The following DUSP1 variants were observed in gnomAD, a reference collection of about 807,000 sequenced individuals.
DUSP1 encodes the protein dual specificity phosphatase 1.
Under a neutral mutation model 27.4 loss-of-function variants are expected in DUSP1, and 10 were observed. The observed-to-expected ratio is 0.37, with a 90% CI of 0.23 to 0.62. The LOEUF is 0.62. Among genes scored for constraint, DUSP1 ranks in the 20% least tolerant of loss-of-function variants. The pLI is 0.68. For synonymous variants in DUSP1, 262 were observed against 223.6 expected (o/e 1.17, Z -1.53); for missense variants, 425 against 508.1 (o/e 0.84, Z 1.57).
intron 3 of DUSP1, 27 bp from the exon 4 acceptor site, chr5:172,769,159 A>G: frequency 6.3e-7 from 1 of 1,583,022 alleles, no homozygotes; most frequent in South Asian, 1.1e-5. Context: ...GCGGCTGGTT[A>G]CTTGAGAGTT....
Position 172,768,958 on chromosome 5 carries a change from C to A in DUSP1, c.908G>T (p.Gly303Val), listed in dbSNP as rs1249041563. Residue 303 changes from glycine (G) to valine (V), a missense_variant, in exon 4 of 4, where the codon GGC becomes GTC. Gly to Val is a moderately radical substitution (Grantham distance 109). This residue lies in a region of DUSP1 where 59 missense variants were observed against 108.4 expected (regional missense o/e 0.54). Transcript: ENST00000239223. ...SIISPNFSFM[G>V]QLLQFESQVL... ...CTGGGACTCAAACTGCAGCAGCTGG[C>A]CCATGAAGCTGAAGTTGGGAGAGAT... 1 of 1,614,192 alleles carries A rather than the reference C, an allele frequency of 6.2e-7. No homozygotes were observed. Among genetic ancestry groups the A allele is most frequent in the Non-Finnish European group, 8.5e-7 (1 of 1,180,032 alleles).
chr5:172,769,922 G>C, intron 2 of DUSP1, 128 bp from the exon 3 acceptor site: 2 of 1,253,374 alleles, frequency 1.6e-6, no homozygotes, highest in South Asian at 2.9e-5. Context: ...TGTTGCTGGA[G>C]GATAAATAAA....
At position 172,769,910 on chromosome 5, in the gene DUSP1, T is replaced by A. The variant is rs34211628; in HGVS notation, c.514-116A>T. 1.3e-3 allele frequency: 1,643 copies of A among 1,293,870 alleles called. 22 individuals carry two copies. The African/African-American group carries it at 0.019, about 15-fold the overall frequency. 80.1% of individuals were successfully genotyped at this position (1,293,870 alleles called of 1,614,324 possible). On this transcript the variant is annotated intron_variant, in intron 2 of 3. Coordinates refer to ENST00000239223, the MANE Select transcript of DUSP1 (RefSeq NM_004417.4). ...ATTTCAGATACCGAGTGAACTCAGT[T>A]CTGTTGCTGGAGGATAAATAAATAG... is the stretch of plus-strand genomic sequence containing the variant.
In DUSP1 at chr5:172,768,833, T is replaced by A. The variant is rs781276559; in HGVS notation, c.1033A>T (p.Ile345Phe). ...TTTVFNFPVS[I>F]PVHSTNSALS... ...GCACTGTTCGTGGAGTGGACAGGGATGGAGACGGGGAAGTTGAACACGGTG... is the reference window on the plus strand; with the variant it reads ...GCACTGTTCGTGGAGTGGACAGGGAAGGAGACGGGGAAGTTGAACACGGTG... Residue 345 changes from isoleucine (I) to phenylalanine (F), a missense_variant, in exon 4 of 4, where the codon ATC becomes TTC. Around this residue, in one of 3 missense-constraint regions of DUSP1, gnomAD observed 84 missense variants for 80.5 expected, o/e 1.04. Coordinates refer to ENST00000239223, the MANE Select transcript of DUSP1 (RefSeq NM_004417.4). The A allele has an allele frequency of 4.4e-6, 7 of 1,592,282 alleles. No homozygotes were observed. The Admixed American group carries it at 1.2e-4, about 27-fold the overall frequency.
At position 172,768,992 on chromosome 5, in the gene DUSP1, G is replaced by A. The variant is rs776389762; in HGVS notation, c.874C>T (p.Arg292Ter). Residue 292 changes from arginine (R) to a stop codon, truncating the protein, a stop_gained, in exon 4 of 4, where the codon CGA becomes TGA. Transcript: ENST00000239223. LOFTEE classifies it high-confidence loss of function. ...CTGAAGTTGGGAGAGATGATGCTTC[G>A]CCTCTGCTTCACAAACTCAAAGGCC... Reference protein sequence around the residue: ...DEAFEFVKQRRSIISPNFSFM... With the variant: ...DEAFEFVKQR 3.7e-6 allele frequency: 6 copies of A among 1,614,084 alleles called. No homozygotes were observed. The Admixed American group carries it at 6.7e-5, about 18-fold the overall frequency.
chr5:172,769,127 T>TG lies in DUSP1; in HGVS notation c.738dup (p.Ile247HisfsTer31). On this transcript the variant is annotated frameshift_variant, in exon 4 of 4. Coordinates refer to ENST00000239223, the MANE Select transcript of DUSP1 (RefSeq NM_004417.4). LOFTEE classifies it high-confidence loss of function. ...AACACCCTTCCTCCAGCATTCTTGA[T>TG]GGAGTCTGGAAAACCAAAGGAGCGG... 1 of 1,605,144 alleles carries TG rather than the reference T, an allele frequency of 6.2e-7. No individual in the cohort carries two copies. The highest frequency in any genetic ancestry group is 8.5e-7 in the Non-Finnish European group (1 of 1,178,072).
chr5:172,769,795 C>T lies in DUSP1; in HGVS notation c.514-1G>A, dbSNP rs745822861. ...AGGGCAGGATTTCCACCGGGCCACCCTGAAATCCAGAAATATCCAACATTC... is the reference window on the plus strand; with the variant it reads ...AGGGCAGGATTTCCACCGGGCCACCTTGAAATCCAGAAATATCCAACATTC... On this transcript the variant is annotated splice_acceptor_variant, in intron 2 of 3. Coordinates refer to ENST00000239223, the MANE Select transcript of DUSP1 (RefSeq NM_004417.4). LOFTEE classifies it high-confidence loss of function. 1 of 1,613,264 alleles carries T rather than the reference C, an allele frequency of 6.2e-7. No homozygotes were observed. The highest frequency in any genetic ancestry group is 8.5e-7 in the Non-Finnish European group (1 of 1,179,724).
rs1759820582 is a variant in DUSP1, at chr5:172,768,205, C to T, written c.*557G>A. 6.7e-6 allele frequency: 1 copy of T among 150,156 alleles called. No homozygotes were observed. The highest frequency in any genetic ancestry group is 6.7e-5 in the Admixed American group (1 of 14,964). The allele number at this position is 150,156 out of a possible 1,614,324, so 9.3% of individuals were successfully genotyped here. A position where few individuals can be genotyped will look rare whatever the true frequency, so the allele number is the denominator to read the frequency against. On this transcript the variant is annotated 3_prime_UTR_variant, in exon 4 of 4. Transcript: ENST00000239223. ...ATTATTTCAGGTCATAAATAATCAG[C>T]AAACATACAACTGTTGGCAACTAAA... is the stretch of plus-strand genomic sequence containing the variant.
chr5:172,770,929 C>G lies in DUSP1; in HGVS notation c.24G>C (p.Leu8=), dbSNP rs752773410. Residue 8 remains leucine, a synonymous_variant, in exon 1 of 4, where the codon CTG becomes CTC. Coordinates refer to ENST00000239223, the MANE Select transcript of DUSP1 (RefSeq NM_004417.4). The stretch of plus-strand genomic sequence containing the variant: ...GCAGCGCCCGCAGGCCTCCAGCGTC[C>G]AGGGTGCCCACTTCCATGACCATGG... MVMEVGT[L]DAGGLRALLG... is the part of the protein sequence containing the mutation. 2.3e-5 allele frequency: 35 copies of G among 1,538,844 alleles called. 1 individual carries two copies. In the South Asian group the frequency reaches 3.9e-4, roughly 17 times the overall value.
rs1381386040 is a variant in DUSP1 at position 172,770,824 on chromosome 5, A to G, written c.129T>C (p.Ser43=). Residue 43 remains serine, a synonymous_variant, in exon 1 of 4, where the codon TCT becomes TCC. Coordinates refer to ENST00000239223, the MANE Select transcript of DUSP1 (RefSeq NM_004417.4). ...CGATGGTGCTGAAGCGCACGTTGAC[A>G]GAGCCGGCGATGTGGCCGGCGTTGA... The part of the protein sequence containing the change: ...FAFNAGHIAG[S]VNVRFSTIVR... 1 of 1,526,286 alleles carries G rather than the reference A, an allele frequency of 6.6e-7. No individual in the cohort carries two copies. The highest frequency in any genetic ancestry group is 8.8e-7 in the Non-Finnish European group (1 of 1,142,122). The allele number at this position is 1,526,286 out of a possible 1,614,324, so 94.5% of individuals were successfully genotyped here.
At position 172,770,786 on chromosome 5, in the gene DUSP1, G is replaced by A; in HGVS notation, c.167C>T (p.Ala56Val). Residue 56 changes from alanine (A) to valine (V), a missense_variant, in exon 1 of 4, where the codon GCC (alanine) becomes GTC (valine). Ala to Val is a moderately conservative substitution (Grantham distance 64, BLOSUM62 0). Transcript: ENST00000239223. ...GTGCTCCAGGCCCATGGCGCCCTTG[G>A]CCCGGCGCCGCACGATGGTGCTGAA... ...VRFSTIVRRR[A>V]KGAMGLEHIV... 1 of 1,504,986 alleles carries A rather than the reference G, an allele frequency of 6.6e-7. No homozygotes were observed. The highest frequency in any genetic ancestry group is 2.7e-5 in the East Asian group (1 of 36,928). 93.2% of individuals were successfully genotyped at this position (1,504,986 alleles called of 1,614,324 possible).
At chr5:172,770,446 C>T in intron 1 of DUSP1, 140 bp from the exon 2 acceptor site, 1 of 1,532,316 alleles carries the variant, frequency 6.5e-7, no homozygotes, top group Non-Finnish European at 8.7e-7. Flanking sequence ...CCAAACAAAG[C>T]CAATGACAAG....
chr5:172,770,342 G>T, intron 1 of DUSP1, 36 bp from the exon 2 acceptor site: 1 of 1,608,974 alleles, frequency 6.2e-7, no homozygotes, highest in Admixed American at 1.7e-5. Flanking sequence ...CCCCATTAGT[G>T]ACACCGGGAC....
chr5:172,769,349 T>C (rs1372784432), intron 3 of DUSP1, among the ~76,000 whole-genome samples: 4 of 152,216 alleles, frequency 2.6e-5, no homozygotes, highest in East Asian at 1.9e-4. Flanking sequence ...ACTTAGCAGA[T>C]AGATCTCAGA....
In DUSP1 at chr5:172,771,019, G is replaced by T; in HGVS notation, c.-67C>A. The T allele has an allele frequency of 1.5e-6, 2 of 1,308,494 alleles. No individual in the cohort carries two copies. Among genetic ancestry groups the T allele is most frequent in the Non-Finnish European group, 1.9e-6 (2 of 1,026,282 alleles). 81.1% of individuals were successfully genotyped at this position (1,308,494 alleles called of 1,614,324 possible). A position where few individuals can be genotyped will look rare whatever the true frequency, so the allele number is the denominator to read the frequency against. The stretch of plus-strand genomic sequence containing the variant: ...TCTTTGTCTGTTCTCGGGGCCAAGG[G>T]CAGGGCGGCGCTTTTCGAGGAAAAG... On this transcript the variant is annotated 5_prime_UTR_variant, in exon 1 of 4. Transcript: ENST00000239223.
chr5:172,769,854 T>C, intron 2 of DUSP1, 60 bp from the exon 3 acceptor site: 1 of 1,548,260 alleles, frequency 6.5e-7, no homozygotes, highest in East Asian at 2.3e-5. Context: ...CCAGTGCCCA[T>C]ACCCACAAAA....
chr5:172,768,668 G>A lies in DUSP1; in HGVS notation c.*94C>T. On this transcript the variant is annotated 3_prime_UTR_variant, in exon 4 of 4. Coordinates refer to ENST00000239223, the MANE Select transcript of DUSP1 (RefSeq NM_004417.4). Reference sequence around the variant, plus strand: ...GGTGAAGTTAAATAAATAAGGACCAGCCCTCTCGAGCCCCTCCCAGAGTTA... The same window carrying A: ...GGTGAAGTTAAATAAATAAGGACCAACCCTCTCGAGCCCCTCCCAGAGTTA... 3 of 1,417,566 alleles carry A rather than the reference G, an allele frequency of 2.1e-6. No homozygotes were observed. In the South Asian group the frequency reaches 5.2e-5, roughly 24 times the overall value. 87.8% of individuals were successfully genotyped at this position (1,417,566 alleles called of 1,614,324 possible). A position where few individuals can be genotyped will look rare whatever the true frequency, so the allele number is the denominator to read the frequency against.
chr5:172,771,150 C>A lies in DUSP1; in HGVS notation c.-198G>T. The A allele has an allele frequency of 3.0e-6, 2 of 673,706 alleles. No individual in the cohort carries two copies. The highest frequency in any genetic ancestry group is 4.3e-6 in the Non-Finnish European group (2 of 460,744). 41.7% of individuals were successfully genotyped at this position (673,706 alleles called of 1,614,324 possible). ...CTCGGCTTCTTCGCGGTTCCCCCGACTGCCCCTCCGACCCGCGTCGCACAC... is the reference window on the plus strand; with the variant it reads ...CTCGGCTTCTTCGCGGTTCCCCCGAATGCCCCTCCGACCCGCGTCGCACAC... On this transcript the variant is annotated 5_prime_UTR_variant, in exon 1 of 4. Coordinates refer to ENST00000239223, the MANE Select transcript of DUSP1 (RefSeq NM_004417.4).
intron 2 of DUSP1, 116 bp downstream of exon 2, chr5:172,770,045 T>C: frequency 1.4e-6 from 2 of 1,417,378 alleles, no homozygotes; most frequent in Non-Finnish European, 9.4e-7. Flanking sequence ...ATCATATCCC[T>C]GTGTCCCCTC....
Sources: gnomAD v4.1 joint callset for allele counts (sites outside exome capture counted in the v4.1 genomes callset) on GRCh38, gnomAD v4.1.1 for gene constraint, gnomAD v4.1.1 regional missense constraint, MANE v1.5 for transcripts, NCBI Gene and HGNC (gene_info 2026-07-23, HGNC 2026-07-21) for gene names.